The following WWC1 variants were observed in gnomAD, a reference collection of about 807,000 sequenced individuals.
The protein encoded by WWC1 is protein KIBRA.
Under a neutral mutation model 138.4 loss-of-function variants are expected in WWC1, and 55 were observed. That is an observed-to-expected ratio of 0.40 (90% CI 0.32 to 0.50). The LOEUF (loss-of-function observed/expected upper bound fraction) is 0.50. WWC1 is among the 20% of genes least tolerant of loss of function. The probability of loss-of-function intolerance (pLI) is 0.72; values close to 1 mark genes in which losing one functional copy is unlikely to be tolerated. For synonymous variants in WWC1, 524 were observed against 564.9 expected (o/e 0.93, Z 1.03); for missense variants, 1,226 against 1,420.4 (o/e 0.86, Z 2.20).
At chr5:168,395,940 T>G (rs1019908328) in intron 3 of WWC1, among the ~76,000 whole-genome samples, 14 of 152,250 alleles carry the variant, frequency 9.2e-5, no homozygotes, top group African/African-American at 3.4e-4. Flanking sequence ...AAAATATTTT[T>G]AAACAAAGCC....
At chr5:168,348,464 G>A (rs570943827) in intron 1 of WWC1, among the ~76,000 whole-genome samples, 27 of 152,324 alleles carry the variant, frequency 1.8e-4, no homozygotes, top group Admixed American at 7.2e-4. Flanking sequence ...ACACATCATT[G>A]TCCCTCTCCC....
intron 2 of WWC1, 63 bp from the exon 3 acceptor site, chr5:168,385,148 C>A: frequency 6.3e-7 from 1 of 1,575,362 alleles, no homozygotes; most frequent in Non-Finnish European, 8.7e-7. Context: ...GTGGATACCA[C>A]AGGCCACCAG....
chr5:168,418,829 C>G (rs1337152949), intron 9 of WWC1, among the ~76,000 whole-genome samples: 2 of 151,588 alleles, frequency 1.3e-5, no homozygotes, highest in Admixed American at 6.6e-5. Flanking sequence ...CAAGAGATTC[C>G]ACAGCCTTGT....
chr5:168,456,027 C>G (rs1756284303), intron 19 of WWC1, among the ~76,000 whole-genome samples: 1 of 152,192 alleles, frequency 6.6e-6, no homozygotes, highest in East Asian at 1.9e-4. Context: ...CGGCCAGATG[C>G]AGTGTCTCAT....
intron 2 of WWC1, 144 bp from the exon 3 acceptor site, chr5:168,385,067 T>G (rs1325541659): frequency 3.9e-6 from 3 of 772,026 alleles, no homozygotes; most frequent in Non-Finnish European, 4.1e-6. Flanking sequence ...TCACTGTCAT[T>G]TAGTAAATGA....
chr5:168,310,925 A>G lies in WWC1; in HGVS notation c.119+18654A>G, dbSNP rs149234206. 9.4e-3 allele frequency among the ~76,000 whole-genome samples: 1,435 copies of G among 152,286 alleles called. 15 individuals are homozygous for G. Among genetic ancestry groups the G allele is most frequent in the South Asian group, 0.025 (121 of 4,826 alleles). ...CTAAGAAATAAGGTTGTTCTCTTACATAACCACACTAGTTCATGCAGTTTT... is the reference window on the plus strand; with the variant it reads ...CTAAGAAATAAGGTTGTTCTCTTACGTAACCACACTAGTTCATGCAGTTTT... On this transcript the variant is annotated intron_variant, in intron 1 of 22. Transcript: ENST00000265293.
chr5:168,428,090 C>G lies in WWC1; in HGVS notation c.1868C>G (p.Ser623Trp). ...GTGGCCTGTGTCTCAGCCGCCGTATCGGACGAGTCAGTGGCTGGAGACAGT... is the reference window on the plus strand; with the variant it reads ...GTGGCCTGTGTCTCAGCCGCCGTATGGGACGAGTCAGTGGCTGGAGACAGT... ...LKVACVSAAV[S>W]DESVAGDSGV... The change falls in exon 12 of 23, where the codon TCG (serine) becomes TGG (tryptophan). Residue 623 changes from serine (S) to tryptophan (W), a missense_variant. Ser to Trp is a radical substitution (Grantham distance 177). Coordinates refer to ENST00000265293, the MANE Select transcript of WWC1 (RefSeq NM_015238.3). 1.2e-6 allele frequency: 2 copies of G among 1,613,842 alleles called. No individual in the cohort carries two copies. Among genetic ancestry groups the G allele is most frequent in the Non-Finnish European group, 1.7e-6 (2 of 1,179,816 alleles).
intron 1 of WWC1, among the ~76,000 whole-genome samples, chr5:168,322,734 G>A (rs1315703208): frequency 6.6e-6 from 1 of 152,216 alleles, no homozygotes; most frequent in Non-Finnish European, 1.5e-5. Flanking sequence ...GTCTGGACCA[G>A]GGTGGTTTGG....
intron 3 of WWC1, among the ~76,000 whole-genome samples, chr5:168,392,722 CAAAT>C (rs572626387): frequency 6.3e-4 from 96 of 152,244 alleles, no homozygotes; most frequent in African/African-American, 2.2e-3. Flanking sequence ...AGATAGAAAA[CAAAT>C]AACGTACTGT....
At chr5:168,443,555 G>A (rs927267128) in intron 16 of WWC1, among the ~76,000 whole-genome samples, 11 of 152,226 alleles carry the variant, frequency 7.2e-5, no homozygotes, top group African/African-American at 2.7e-4. Flanking sequence ...GCATGACCTT[G>A]AGTAAGTAAC....
At chr5:168,382,789 T>C (rs1777748601) in intron 2 of WWC1, among the ~76,000 whole-genome samples, 1 of 152,210 alleles carries the variant, frequency 6.6e-6, no homozygotes, top group Non-Finnish European at 1.5e-5. Flanking sequence ...GGCAGTTTTT[T>C]GTAGCCACTG....
chr5:168,292,690 G>A lies in WWC1; in HGVS notation c.119+419G>A, dbSNP rs1561572134. ...CCAGCGTGGGGGGTGGGCGGATGGG[G>A]ATGGGGAAGTGTCCGGTTAGAGGGG... On this transcript the variant is annotated intron_variant, in intron 1 of 22. Coordinates refer to ENST00000265293, the MANE Select transcript of WWC1 (RefSeq NM_015238.3). This position sits in a 1 kb window ranked among gnomAD's most constrained non-coding sequence, Gnocchi z 4.4. Among the ~76,000 whole-genome samples the A allele has an allele frequency of 6.6e-6, 1 of 152,138 alleles. No homozygotes were observed. The highest frequency in any genetic ancestry group is 1.5e-5 in the Non-Finnish European group (1 of 68,020).
chr5:168,386,147 T>C (rs563099663), intron 3 of WWC1, among the ~76,000 whole-genome samples: 1 of 152,260 alleles, frequency 6.6e-6, no homozygotes, highest in South Asian at 2.1e-4. Flanking sequence ...ATCCTTCAGG[T>C]CATCACCTCT....
At chr5:168,365,206 C>A (rs533644547) in intron 1 of WWC1, among the ~76,000 whole-genome samples, 1 of 152,122 alleles carries the variant, frequency 6.6e-6, no homozygotes, top group Non-Finnish European at 1.5e-5. Context: ...GGGAACTATG[C>A]GTGTGAAACA....
At chr5:168,302,962 T>G (rs1158829125) in intron 1 of WWC1, among the ~76,000 whole-genome samples, 1 of 152,194 alleles carries the variant, frequency 6.6e-6, no homozygotes, top group Non-Finnish European at 1.5e-5. Context: ...TCAGTGGATC[T>G]GGATGGGGCC....
At chr5:168,425,316 G>C (rs532075244) in intron 11 of WWC1, among the ~76,000 whole-genome samples, 131 of 152,246 alleles carry the variant, frequency 8.6e-4, no homozygotes, top group Non-Finnish European at 1.6e-3. Context: ...GGACTGAGTA[G>C]GATGCTCAGT....
At chr5:168,453,208 A>G (rs550739370) in intron 17 of WWC1, among the ~76,000 whole-genome samples, 2 of 151,156 alleles carry the variant, frequency 1.3e-5, no homozygotes, top group African/African-American at 4.8e-5. Flanking sequence ...TGGGTGACAG[A>G]GTGAGACTCT....
chr5:168,445,498 G>A (rs763593728), intron 17 of WWC1, among the ~76,000 whole-genome samples: 7 of 151,722 alleles, frequency 4.6e-5, no homozygotes, highest in African/African-American at 1.2e-4. Flanking sequence ...TTAGGAGTTC[G>A]AGACCAGCCT....
chr5:168,403,616 G>A (rs1779554788), intron 5 of WWC1, among the ~76,000 whole-genome samples: 2 of 152,200 alleles, frequency 1.3e-5, no homozygotes, highest in African/African-American at 4.8e-5. Flanking sequence ...GAAAGCTTGG[G>A]ACTTTGACTT....
Sources: gnomAD v4.1 joint callset for allele counts (sites outside exome capture counted in the v4.1 genomes callset) on GRCh38, gnomAD v4.1.1 for gene constraint, Gnocchi (gnomAD v3.1) non-coding constraint, MANE v1.5 for transcripts, NCBI Gene and HGNC (gene_info 2026-07-23, HGNC 2026-07-21) for gene names.